CTNNA2: variants seen among roughly 807,000 people sequenced by gnomAD.
CTNNA2 encodes catenin alpha-2.
A neutral mutation model predicts 101.0 loss-of-function variants in CTNNA2; 42 were observed. The ratio of observed to expected loss-of-function variants is 0.42; its 90% CI spans 0.32 to 0.54. CTNNA2 has a LOEUF of 0.54. CTNNA2 is among the 20% of genes least tolerant of loss of function. CTNNA2 has a pLI of 0.14. For synonymous variants in CTNNA2, 450 were observed against 456.4 expected (o/e 0.99, Z 0.18); for missense variants, 871 against 1,223.1 (o/e 0.71, Z 4.29).
chr2:79,321,114 A>T (rs1676613066), intron 3 of CTNNA2, among the ~76,000 whole-genome samples: 1 of 152,206 alleles, frequency 6.6e-6, no homozygotes, highest in Non-Finnish European at 1.5e-5. Flanking sequence ...TCCAGAAACC[A>T]TCTTAAAGGG....
chr2:79,873,280 T>C (rs1682730694), intron 5 of CTNNA2, among the ~76,000 whole-genome samples: 1 of 152,186 alleles, frequency 6.6e-6, no homozygotes, highest in African/African-American at 2.4e-5. Context: ...CAATTTACCT[T>C]CTTGGTGGCT....
intron 4 of CTNNA2, among the ~76,000 whole-genome samples, chr2:79,391,534 A>C (rs1022916369): frequency 6.6e-6 from 1 of 152,120 alleles, no homozygotes; most frequent in African/African-American, 2.4e-5. Context: ...GGAGTCAAAA[A>C]TTATATGTGG....
At chr2:79,911,770 C>A (rs1053589082) in intron 7 of CTNNA2, among the ~76,000 whole-genome samples, 1 of 152,314 alleles carries the variant, frequency 6.6e-6, no homozygotes, top group Admixed American at 6.5e-5. Context: ...TGAAATAAAA[C>A]ACCTCCTACT....
chr2:80,189,841 T>C (rs1290097223), intron 7 of CTNNA2, among the ~76,000 whole-genome samples: 1 of 152,114 alleles, frequency 6.6e-6, no homozygotes, highest in Non-Finnish European at 1.5e-5. Context: ...TGTAATAATG[T>C]CAAATATTTA....
chr2:79,218,332 T>TGTGA (rs1211467914), intron 2 of CTNNA2, among the ~76,000 whole-genome samples: 1 of 77,804 alleles, frequency 1.3e-5, no homozygotes, highest in African/African-American at 3.8e-5. Flanking sequence ...TGTGTGTGTG[T>TGTGA]GTGTGTGTGT....
chr2:79,276,388 T>C (rs1388043569), intron 2 of CTNNA2, among the ~76,000 whole-genome samples: 2 of 152,126 alleles, frequency 1.3e-5, no homozygotes, highest in Non-Finnish European at 2.9e-5. Context: ...TAATAGCTTT[T>C]GTTTGATCTA....
Position 79,907,478 on chromosome 2 carries a change from A to G in CTNNA2, c.853-2116A>G, listed in dbSNP as rs901811585. On this transcript the variant is annotated intron_variant, in intron 6 of 18. Coordinates refer to ENST00000402739, the MANE Select transcript of CTNNA2 (RefSeq NM_001282597.3). ...TGGAAAGAGACATTGCAGACACAACACTAGTACGTATAGCAGGAATATCTG... is the reference window on the plus strand; with the variant it reads ...TGGAAAGAGACATTGCAGACACAACGCTAGTACGTATAGCAGGAATATCTG... Among the ~76,000 whole-genome samples the G allele has an allele frequency of 2.0e-5, 3 of 152,226 alleles. No homozygotes were observed. The East Asian group carries it at 5.8e-4, about 29-fold the overall frequency.
intron 8 of CTNNA2, among the ~76,000 whole-genome samples, chr2:80,402,242 TG>T (rs1479142003): frequency 6.6e-6 from 1 of 152,208 alleles, no homozygotes; most frequent in Non-Finnish European, 1.5e-5. Context: ...ATGCCCTCTG[TG>T]GGTGCACCAC....
At chr2:79,326,625 A>G (rs932780705) in intron 3 of CTNNA2, among the ~76,000 whole-genome samples, 1 of 152,182 alleles carries the variant, frequency 6.6e-6, no homozygotes, top group Admixed American at 6.6e-5. Context: ...GACATGTTTG[A>G]CGCTGGTTAG....
intron 8 of CTNNA2, among the ~76,000 whole-genome samples, chr2:80,412,278 C>G (rs1679653828): frequency 6.6e-6 from 1 of 152,236 alleles, no homozygotes; most frequent in East Asian, 1.9e-4. Context: ...AACTAAGTAC[C>G]TGTTACTGTC....
At chr2:79,221,044 T>C (rs934546529) in intron 2 of CTNNA2, among the ~76,000 whole-genome samples, 2 of 152,204 alleles carry the variant, frequency 1.3e-5, no homozygotes, top group African/African-American at 4.8e-5. Flanking sequence ...AAAAACATTA[T>C]CTTATAAAAT....
At chr2:80,249,249 C>T (rs1187662075) in intron 7 of CTNNA2, among the ~76,000 whole-genome samples, 1 of 152,158 alleles carries the variant, frequency 6.6e-6, no homozygotes, top group Non-Finnish European at 1.5e-5. Flanking sequence ...TGATAGAGTT[C>T]TAAAGAACCT....
intron 7 of CTNNA2, among the ~76,000 whole-genome samples, chr2:79,927,188 G>A (rs1223472217): frequency 6.6e-6 from 1 of 152,054 alleles, no homozygotes; most frequent in African/African-American, 2.4e-5. Context: ...CAGAGGGATA[G>A]GATTCTAAAT....
intron 7 of CTNNA2, among the ~76,000 whole-genome samples, chr2:80,054,736 C>T (rs1451794268): frequency 6.6e-6 from 1 of 152,098 alleles, no homozygotes; most frequent in Admixed American, 6.5e-5. Flanking sequence ...GGCTCTGACC[C>T]TTAGTCTTCT....
At chr2:80,023,222 T>C (rs1171228231) in intron 7 of CTNNA2, among the ~76,000 whole-genome samples, 2 of 152,236 alleles carry the variant, frequency 1.3e-5, no homozygotes, top group Non-Finnish European at 2.9e-5. Flanking sequence ...CTTCTTGTTT[T>C]TATGTTAAAA....
At chr2:80,077,417 A>G (rs1480937021) in intron 7 of CTNNA2, among the ~76,000 whole-genome samples, 2 of 152,160 alleles carry the variant, frequency 1.3e-5, no homozygotes, top group Non-Finnish European at 2.9e-5. Flanking sequence ...TAGTGTATTC[A>G]CAAGATGAAG....
At chr2:79,741,427 G>A (rs757575601) in intron 2 of CTNNA2, among the ~76,000 whole-genome samples, 2 of 151,924 alleles carry the variant, frequency 1.3e-5, no homozygotes, top group African/African-American at 2.4e-5. Flanking sequence ...TAAATATCTC[G>A]AATGCTAATT....
chr2:80,403,571 C>T (rs1339635531), intron 8 of CTNNA2, among the ~76,000 whole-genome samples: 1 of 152,120 alleles, frequency 6.6e-6, no homozygotes, highest in African/African-American at 2.4e-5. Flanking sequence ...TCTTTCAGGT[C>T]TACAGTAATT....
chr2:79,744,826 T>C (rs1189991982), intron 3 of CTNNA2, among the ~76,000 whole-genome samples: 1 of 152,166 alleles, frequency 6.6e-6, no homozygotes, highest in Non-Finnish European at 1.5e-5. Context: ...ATGTTTCTTC[T>C]TGGTCAATGT....
Sources: gnomAD v4.1 joint callset for allele counts (sites outside exome capture counted in the v4.1 genomes callset) on GRCh38, gnomAD v4.1.1 for gene constraint, MANE v1.5 for transcripts, NCBI Gene and HGNC (gene_info 2026-07-23, HGNC 2026-07-21) for gene names.